Variants in PRDM10 observed in about 807,000 individuals in gnomAD.
PRDM10 encodes the protein PR domain zinc finger protein 10.
In PRDM10, 65 loss-of-function variants were observed where a neutral mutation model predicts 133.1. The ratio of observed to expected loss-of-function variants is 0.49; its 90% CI spans 0.40 to 0.60. The LOEUF is 0.60. PRDM10 is among the 20% of genes least tolerant of loss of function. PRDM10 has a pLI of 0.00. For synonymous variants in PRDM10, 582 were observed against 580.4 expected, an observed-to-expected ratio of 1.00 and a Z score of -0.04; for missense variants, 1,137 against 1,507.1, an observed-to-expected ratio of 0.75 and a Z score of 4.07.
chr11:129,977,594 T>A (rs963320234), intron 1 of PRDM10, among the ~76,000 whole-genome samples: 1 of 152,168 alleles, frequency 6.6e-6, no homozygotes, highest in Non-Finnish European at 1.5e-5. Flanking sequence ...ACATTTTTTT[T>A]AATTCCACTA....
chr11:129,947,672 C>T lies in PRDM10; in HGVS notation c.295-302G>A. On this transcript the variant is annotated intron_variant, in intron 4 of 20. Coordinates refer to ENST00000360871, the MANE Select transcript of PRDM10 (RefSeq NM_199437.2). This position sits in a 1 kb window ranked among gnomAD's most constrained non-coding sequence, Gnocchi z 4.6. The stretch of plus-strand genomic sequence containing the variant: ...CCTTTGGCAGCAGTGGGAGAGTCAA[C>T]ACTGGCAAGGCCCTGACCACCTGCG... 3 of 799,210 alleles carry T rather than the reference C, an allele frequency of 3.8e-6. No individual in the cohort carries two copies. The highest frequency in any genetic ancestry group is 5.5e-6 in the Non-Finnish European group (3 of 541,682). 49.5% of individuals were successfully genotyped at this position (799,210 alleles called of 1,614,324 possible).
Position 129,931,567 on chromosome 11 carries a change from T to TTA in PRDM10, c.1288-310_1288-309insTA, listed in dbSNP as rs1491394918. On this transcript the variant is annotated intron_variant, in intron 10 of 20. Coordinates refer to ENST00000360871, the MANE Select transcript of PRDM10 (RefSeq NM_199437.2). ...TATTTATTTATTTATTTTTATTTTA[T>TTA]TTTATTTTATTTTTTTTTTGAGACG... is the stretch of plus-strand genomic sequence containing the variant. Among the ~76,000 whole-genome samples the TTA allele has an allele frequency of 5.4e-3, 677 of 124,970 alleles. 2 individuals carry two copies. The highest frequency in any genetic ancestry group is 0.02 in the African/African-American group (621 of 31,200). The allele number at this position is 124,970 out of a possible 152,430, so 82.0% of individuals were successfully genotyped here.
chr11:129,995,642 G>GA (rs147180525), intron 1 of PRDM10, among the ~76,000 whole-genome samples: 1,655 of 150,230 alleles, frequency 0.011, 37 homozygotes, highest in African/African-American at 0.037. Context: ...TAAGAATCTT[G>GA]AAAAAAAAAG....
intron 1 of PRDM10, among the ~76,000 whole-genome samples, chr11:129,978,062 T>G (rs1937888408): frequency 6.6e-6 from 1 of 152,130 alleles, no homozygotes; most frequent in Admixed American, 6.5e-5. Flanking sequence ...AAGCCTTTGA[T>G]TAGGTTCCAA....
intron 20 of PRDM10, among the ~76,000 whole-genome samples, chr11:129,903,753 A>G (rs1230453859): frequency 6.6e-6 from 1 of 151,988 alleles, no homozygotes. Context: ...GTTCACCCCC[A>G]CCAGACAACG....
intron 1 of PRDM10, among the ~76,000 whole-genome samples, chr11:129,969,586 T>G (rs1266054932): frequency 2.1e-5 from 3 of 145,148 alleles, no homozygotes; most frequent in African/African-American, 5.1e-5. Flanking sequence ...TTGAGGAGAG[T>G]AGTTCGAGAC....
intron 17 of PRDM10, among the ~76,000 whole-genome samples, chr11:129,913,302 A>C (rs1230612728): frequency 6.6e-6 from 1 of 152,102 alleles, no homozygotes; most frequent in Non-Finnish European, 1.5e-5. Context: ...TTTCAGCTCC[A>C]ATGCTGCACT....
chr11:129,941,867 TG>T (rs1435338797), intron 7 of PRDM10, among the ~76,000 whole-genome samples: 1 of 152,194 alleles, frequency 6.6e-6, no homozygotes, highest in African/African-American at 2.4e-5. Context: ...TCAGTTACAC[TG>T]GGGCTTATTG....
intron 4 of PRDM10, among the ~76,000 whole-genome samples, chr11:129,948,849 C>T (rs1951502742): frequency 6.6e-6 from 1 of 152,110 alleles, no homozygotes; most frequent in Admixed American, 6.6e-5. Flanking sequence ...TTTACGTTGG[C>T]CACGTTGCTC....
Position 129,915,772 on chromosome 11 carries a change from G to A in PRDM10, c.2414C>T (p.Pro805Leu), listed in dbSNP as rs750227884. 1.2e-6 allele frequency: 2 copies of A among 1,614,236 alleles called. No individual in the cohort carries two copies. The highest frequency in any genetic ancestry group is 1.7e-5 in the Admixed American group (1 of 60,026). ...ELPPSIRKLR[P>L]AGPGEPDPML... ...GGGGTCTGGCTCTCCAGGACCAGCG[G>A]GTCGGAGCTTCCGAATGCTCGGTGG... Residue 805 changes from proline to leucine, a missense_variant, in exon 16 of 21, where the codon CCC (proline) becomes CTC (leucine). Pro to Leu is a moderately conservative substitution (Grantham distance 98, BLOSUM62 -3). Around this residue, in one of 6 missense-constraint regions of PRDM10, gnomAD observed 65 missense variants for 151.1 expected, o/e 0.43. Transcript: ENST00000360871.
chr11:129,915,717 G>A lies in PRDM10; in HGVS notation c.2469C>T (p.Gly823=), dbSNP rs1274988293. The change falls in exon 16 of 21, where the codon GGC becomes GGT. Residue 823 remains glycine (G), a synonymous_variant. Coordinates refer to ENST00000360871, the MANE Select transcript of PRDM10 (RefSeq NM_199437.2). The part of the protein sequence containing the change: ...PMLSTHTQLT[G]TIATPPVCCP... ...AGCAGACGGGAGGGGTGGCGATGGTGCCCGTCAGCTGGGTGTGTGTGCTCA... is the reference window on the plus strand; with the variant it reads ...AGCAGACGGGAGGGGTGGCGATGGTACCCGTCAGCTGGGTGTGTGTGCTCA... 3.1e-6 allele frequency: 5 copies of A among 1,613,998 alleles called. No individual in the cohort carries two copies. The highest frequency in any genetic ancestry group is 4.2e-6 in the Non-Finnish European group (5 of 1,179,972).
chr11:129,927,071 T>G lies in PRDM10; in HGVS notation c.1531-1842A>C, dbSNP rs894524195. ...AAATACAAAAATTAGCCAGGCGTGGTAGCAGGCACCTGTAACCCCAGGGCT... is the reference window on the plus strand; with the variant it reads ...AAATACAAAAATTAGCCAGGCGTGGGAGCAGGCACCTGTAACCCCAGGGCT... On this transcript the variant is annotated intron_variant, in intron 11 of 20. Transcript: ENST00000360871. Among the ~76,000 whole-genome samples, 5 of 149,932 alleles carry G rather than the reference T, an allele frequency of 3.3e-5. No individual in the cohort carries two copies. In the Admixed American group the frequency reaches 3.4e-4, roughly 10 times the overall value.
At chr11:129,961,333 C>T (rs1237730490) in intron 1 of PRDM10, among the ~76,000 whole-genome samples, 2 of 151,760 alleles carry the variant, frequency 1.3e-5, no homozygotes, top group Non-Finnish European at 2.9e-5. Flanking sequence ...GAGATGGAGT[C>T]TCGCTCTGTT....
chr11:129,916,631 T>C (rs1232484149), intron 15 of PRDM10, among the ~76,000 whole-genome samples: 4 of 152,208 alleles, frequency 2.6e-5, no homozygotes. Flanking sequence ...CAAGACTCCA[T>C]CTCAAAAAGT....
chr11:129,986,058 TG>T lies in PRDM10; in HGVS notation c.-119+16663del, dbSNP rs1938425584. On this transcript the variant is annotated intron_variant, in intron 1 of 20. Coordinates refer to ENST00000360871, the MANE Select transcript of PRDM10 (RefSeq NM_199437.2). ...AGGCTCATGGTGGTGTGGCAGAGTC[TG>T]GGGTGTGTGGTTCTGCAACCAGAAT... 2.0e-5 allele frequency among the ~76,000 whole-genome samples: 3 copies of T among 152,060 alleles called. No homozygotes were observed. In the South Asian group the frequency reaches 6.2e-4, roughly 32 times the overall value.
intron 7 of PRDM10, among the ~76,000 whole-genome samples, chr11:129,941,740 T>C (rs1951214115): frequency 1.3e-5 from 2 of 152,336 alleles, no homozygotes; most frequent in Admixed American, 1.3e-4. Flanking sequence ...CGGTGTTAGA[T>C]AATTTTGCCC....
intron 6 of PRDM10, among the ~76,000 whole-genome samples, chr11:129,944,021 A>G (rs1951306444): frequency 6.6e-6 from 1 of 152,038 alleles, no homozygotes; most frequent in Non-Finnish European, 1.5e-5. Context: ...TACAAACATT[A>G]TAAATAAATA....
At chr11:129,962,178 T>G (rs1222176701) in intron 1 of PRDM10, among the ~76,000 whole-genome samples, 7 of 152,200 alleles carry the variant, frequency 4.6e-5, no homozygotes, top group African/African-American at 9.7e-5. Flanking sequence ...TCTCAAAATC[T>G]TATTCCTTCC....
chr11:129,977,084 C>T (rs7938683), intron 1 of PRDM10, among the ~76,000 whole-genome samples: 36,081 of 151,906 alleles, frequency 0.24, 7,366 homozygotes, highest in East Asian at 0.57. Flanking sequence ...CTTCTCTACA[C>T]CTTACAGAGA....
Sources: gnomAD v4.1 joint callset for allele counts (sites outside exome capture counted in the v4.1 genomes callset) on GRCh38, gnomAD v4.1.1 for gene constraint, gnomAD v4.1.1 regional missense constraint, Gnocchi (gnomAD v3.1) non-coding constraint, MANE v1.5 for transcripts, NCBI Gene and HGNC (gene_info 2026-07-23, HGNC 2026-07-21) for gene names.